Variants in SPTBN1 observed in about 807,000 individuals in gnomAD.
SPTBN1 encodes spectrin beta, non-erythrocytic 1.
In SPTBN1, 32 loss-of-function variants were observed where a neutral mutation model predicts 266.4. The observed-to-expected ratio is 0.12, with a 90% CI of 0.09 to 0.16. The LOEUF (loss-of-function observed/expected upper bound fraction) is 0.16, where lower values mean the gene tolerates loss of function less well. Ranked by LOEUF, SPTBN1 falls within the 10% of genes least tolerant of loss-of-function variation. The pLI is 1.00. For missense variants in SPTBN1, 2,296 were observed against 3,067.1 expected, an observed-to-expected ratio of 0.75 and a Z score of 5.94; for synonymous variants, 1,336 against 1,162.2, an observed-to-expected ratio of 1.15 and a Z score of -3.04.
In SPTBN1 at chr2:54,629,729, C is replaced by T. The variant is rs749898377; in HGVS notation, c.2595C>T (p.Ile865=). The T allele has an allele frequency of 1.6e-5, 25 of 1,612,450 alleles. No individual in the cohort carries two copies. Among genetic ancestry groups the T allele is most frequent in the Middle Eastern group, 1.7e-4 (1 of 6,060 alleles). ...AGGCTGATGCCTGTGAGCTCTGGAT[C>T]GACGAGAAGGAGCAGTGGCTCAACA... ...FSEADACELW[I]DEKEQWLNNM... The change falls in exon 14 of 36, where the codon ATC becomes ATT. Residue 865 remains isoleucine (I), a synonymous_variant. Transcript: ENST00000356805.
In SPTBN1 at chr2:54,486,530, G is replaced by C. The variant is rs190553911; in HGVS notation, c.-48+30012G>C. On this transcript the variant is annotated intron_variant, in intron 1 of 35. Coordinates refer to ENST00000356805, the MANE Select transcript of SPTBN1 (RefSeq NM_003128.3). ...ACAGATGCTTGAAGGCAGCATGCTC[G>C]TTAAGAGTCATCACCACTCCCTAAT... 1.7e-3 allele frequency among the ~76,000 whole-genome samples: 262 copies of C among 152,116 alleles called. 3 individuals carry two copies. The highest frequency in any genetic ancestry group is 0.014 in the Middle Eastern group (4 of 294).
rs34536803 is a variant in SPTBN1, at chr2:54,578,749, G to GGTGTGTGT, written c.149-20321_149-20314dup. ...GGCCTAGGCAAGTGTCTTCTGATGGGGTGTGTGTGTGTGTGTGTGTGTGTG... is the reference window on the plus strand; with the variant it reads ...GGCCTAGGCAAGTGTCTTCTGATGGGGTGTGTGTGTGTGTGTGTGTGTGTGTGTGTGTG... On this transcript the variant is annotated intron_variant, in intron 2 of 35. Transcript: ENST00000356805. 1.9e-3 allele frequency among the ~76,000 whole-genome samples: 282 copies of GGTGTGTGT among 147,630 alleles called. 2 individuals are homozygous for GGTGTGTGT. Among genetic ancestry groups the GGTGTGTGT allele is most frequent in the African/African-American group, 6.2e-3 (248 of 40,292 alleles).
chr2:54,635,367 T>C (rs1033686628), intron 17 of SPTBN1, among the ~76,000 whole-genome samples: 1 of 152,244 alleles, frequency 6.6e-6, no homozygotes, highest in African/African-American at 2.4e-5. Context: ...CCCAGATGCC[T>C]GTGTGGCTGT....
intron 2 of SPTBN1, among the ~76,000 whole-genome samples, chr2:54,578,719 A>G (rs1674663586): frequency 6.6e-6 from 1 of 151,368 alleles, no homozygotes; most frequent in South Asian, 2.1e-4. Context: ...GAAATGATTT[A>G]ATTTGGCCTA....
intron 4 of SPTBN1, among the ~76,000 whole-genome samples, chr2:54,612,979 T>A (rs1189846059): frequency 6.6e-6 from 1 of 152,202 alleles, no homozygotes. Flanking sequence ...TTTGTCCACT[T>A]CTTTCACTTT....
chr2:54,585,709 TAA>T (rs1343539133), intron 2 of SPTBN1, among the ~76,000 whole-genome samples: 1 of 152,230 alleles, frequency 6.6e-6, no homozygotes, highest in Admixed American at 6.5e-5. Context: ...CTTACATTTT[TAA>T]AGAGAGAACT....
chr2:54,558,687 G>A lies in SPTBN1; in HGVS notation c.148+32121G>A, dbSNP rs2104459459. On this transcript the variant is annotated intron_variant, in intron 2 of 35. Coordinates refer to ENST00000356805, the MANE Select transcript of SPTBN1 (RefSeq NM_003128.3). This position sits in a 1 kb window ranked among gnomAD's most constrained non-coding sequence, Gnocchi z 4.6. ...ATGGGGCTCGCCTAAGGAGCCGAGC[G>A]CTGCGGAGGCTGCTGCGTGTTGGAT... 2 of 1,537,126 alleles carry A rather than the reference G, an allele frequency of 1.3e-6. No homozygotes were observed. The highest frequency in any genetic ancestry group is 4.7e-5 in the East Asian group (2 of 42,568).
chr2:54,556,100 G>C (rs1672851453), intron 2 of SPTBN1, among the ~76,000 whole-genome samples: 1 of 152,228 alleles, frequency 6.6e-6, no homozygotes, highest in East Asian at 1.9e-4. Flanking sequence ...ATACAGAACA[G>C]TAAACACTGA....
chr2:54,550,006 G>A (rs897226228), intron 2 of SPTBN1, among the ~76,000 whole-genome samples: 6 of 152,198 alleles, frequency 3.9e-5, no homozygotes, highest in Non-Finnish European at 8.8e-5. Flanking sequence ...TCATGCACTT[G>A]TTTGAGGACA....
At chr2:54,552,074 T>G (rs995035656) in intron 2 of SPTBN1, among the ~76,000 whole-genome samples, 18 of 152,130 alleles carry the variant, frequency 1.2e-4, no homozygotes, top group Admixed American at 5.2e-4. Flanking sequence ...GGAGGACTGG[T>G]CCTGCCACTG....
In SPTBN1 at chr2:54,646,334, T is replaced by G. The variant is rs778851826; in HGVS notation, c.4725T>G (p.Gly1575=). Reference sequence around the variant, plus strand: ...TTGCCGACCTGAAGCAGCTGTGGGGTCTCCTCATTGAGGAGACAGAGAAAC... The same window carrying G: ...TTGCCGACCTGAAGCAGCTGTGGGGGCTCCTCATTGAGGAGACAGAGAAAC... ...QRLADLKQLW[G]LLIEETEKRH... is the part of the protein sequence containing the mutation. The change falls in exon 23 of 36, where the codon GGT becomes GGG. Residue 1575 remains glycine, a synonymous_variant. Transcript: ENST00000356805. This position sits in a 1 kb window ranked among gnomAD's most constrained non-coding sequence, Gnocchi z 4.4. 4 of 1,611,796 alleles carry G rather than the reference T, an allele frequency of 2.5e-6. No homozygotes were observed. Among genetic ancestry groups the G allele is most frequent in the Middle Eastern group, 1.6e-4 (1 of 6,074 alleles).
Position 54,540,049 on chromosome 2 carries a change from A to G in SPTBN1, c.148+13483A>G, listed in dbSNP as rs1249389251. 6.6e-6 allele frequency among the ~76,000 whole-genome samples: 1 copy of G among 152,132 alleles called. No homozygotes were observed. The highest frequency in any genetic ancestry group is 1.5e-5 in the Non-Finnish European group (1 of 68,026). ...ATGATCTTTCTCCCTACCATGTGAG[A>G]ATCTGAGAGGATGGCTGTCTGTAAA... On this transcript the variant is annotated intron_variant, in intron 2 of 35. Transcript: ENST00000356805. This position sits in a 1 kb window ranked among gnomAD's most constrained non-coding sequence, Gnocchi z 5.6.
intron 2 of SPTBN1, among the ~76,000 whole-genome samples, chr2:54,534,396 C>T (rs10165490): frequency 0.76 from 116,040 of 152,150 alleles, 45,069 homozygotes; most frequent in African/African-American, 0.92. Flanking sequence ...AGAGGTGTGG[C>T]CCCTAGCACA....
intron 2 of SPTBN1, among the ~76,000 whole-genome samples, chr2:54,563,699 G>A (rs1034927669): frequency 2.1e-5 from 3 of 141,460 alleles, no homozygotes; most frequent in African/African-American, 7.8e-5. Flanking sequence ...TGCCTTCCGG[G>A]TTCAAGCGAT....
intron 1 of SPTBN1, among the ~76,000 whole-genome samples, chr2:54,501,965 T>C (rs1187189983): frequency 1.3e-5 from 2 of 152,222 alleles, no homozygotes; most frequent in Non-Finnish European, 2.9e-5. Context: ...ATTAGCATCT[T>C]CTGGAATATT....
At chr2:54,515,899 A>G (rs754241773) in intron 1 of SPTBN1, 1 of 152,152 alleles carries the variant, frequency 6.6e-6, no homozygotes, top group Non-Finnish European at 1.5e-5. Flanking sequence ...ATCTATGCTA[A>G]TATGAAAAAG....
chr2:54,600,085 G>T (rs533676677), intron 3 of SPTBN1, among the ~76,000 whole-genome samples: 1 of 152,278 alleles, frequency 6.6e-6, no homozygotes, highest in African/African-American at 2.4e-5. Context: ...CTGGCAGTTG[G>T]CAGGGCTGCC....
chr2:54,529,524 A>G (rs1376750282), intron 2 of SPTBN1: 3 of 709,784 alleles, frequency 4.2e-6, no homozygotes, highest in Middle Eastern at 2.8e-4. Flanking sequence ...CCGCCCAGAT[A>G]TCCTCGGAAG....
At chr2:54,587,591 T>C (rs1234891737) in intron 2 of SPTBN1, among the ~76,000 whole-genome samples, 1 of 152,172 alleles carries the variant, frequency 6.6e-6, no homozygotes, top group African/African-American at 2.4e-5. Context: ...CATGGAGGAC[T>C]GGAGGAGAAG....
Sources: allele counts gnomAD v4.1 joint callset (sites outside exome capture counted in the v4.1 genomes callset), GRCh38; gene constraint gnomAD v4.1.1; non-coding constraint Gnocchi (gnomAD v3.1); transcripts MANE v1.5; gene names NCBI Gene and HGNC (gene_info 2026-07-23, HGNC 2026-07-21).